The following PSD3 variants were observed in gnomAD, a reference collection of about 807,000 sequenced individuals.
The protein encoded by PSD3 is PH and SEC7 domain-containing protein 3.
PSD3 carries 49 observed loss-of-function variants against 105.5 expected under a neutral mutation model. The ratio of observed to expected loss-of-function variants is 0.46; its 90% CI spans 0.37 to 0.59. The LOEUF is 0.59. Ranked by LOEUF, PSD3 falls within the 20% of genes least tolerant of loss-of-function variation. The pLI, the probability that PSD3 is intolerant of heterozygous loss-of-function variation, is 0.00. For missense variants in PSD3, 1,561 were observed against 1,263.8 expected (o/e 1.24, Z -3.57); for synonymous variants, 557 against 457.8 (o/e 1.22, Z -2.77).
At chr8:19,026,250 G>A (rs1052436804) in intron 1 of PSD3, among the ~76,000 whole-genome samples, 1 of 152,140 alleles carries the variant, frequency 6.6e-6, no homozygotes, top group Non-Finnish European at 1.5e-5. Flanking sequence ...CCATAGGACC[G>A]TCATATTCTT....
intron 11 of PSD3, among the ~76,000 whole-genome samples, chr8:18,625,296 T>C (rs1806399090): frequency 6.6e-6 from 1 of 152,100 alleles, no homozygotes; most frequent in Non-Finnish European, 1.5e-5. Flanking sequence ...CAAATTTTTA[T>C]AAACACTGGA....
intron 3 of PSD3, among the ~76,000 whole-genome samples, chr8:18,869,131 G>A (rs769470823): frequency 4.7e-5 from 7 of 149,678 alleles, no homozygotes; most frequent in South Asian, 2.1e-4. Context: ...AAACTGGACC[G>A]TTCCTAAGAT....
At chr8:18,901,733 TCA>T (rs949096156) in intron 2 of PSD3, among the ~76,000 whole-genome samples, 87 of 152,342 alleles carry the variant, frequency 5.7e-4, no homozygotes, top group African/African-American at 2.1e-3. Context: ...ATGAATTCTC[TCA>T]GTTTTTGTTT....
chr8:18,759,044 T>C (rs898020607), intron 9 of PSD3, among the ~76,000 whole-genome samples: 1 of 149,196 alleles, frequency 6.7e-6, no homozygotes, highest in African/African-American at 2.5e-5. Context: ...AGGCCAAGCA[T>C]ACTGATTTAC....
At chr8:18,722,971 C>T (rs748725951) in intron 9 of PSD3, among the ~76,000 whole-genome samples, 2 of 152,180 alleles carry the variant, frequency 1.3e-5, no homozygotes, top group African/African-American at 4.8e-5. Context: ...TTTTGTTTCC[C>T]TATTTAAACC....
At position 19,013,645 on chromosome 8, in the gene PSD3, C is replaced by CA. The variant is rs1827062603; in HGVS notation, c.-63dup. 4.7e-6 allele frequency: 6 copies of CA among 1,271,864 alleles called. No individual in the cohort carries two copies. Among genetic ancestry groups the CA allele is most frequent in the East Asian group, 6.8e-5 (2 of 29,558 alleles). The allele number at this position is 1,271,864 out of a possible 1,614,324, so 78.8% of individuals were successfully genotyped here. On this transcript the variant is annotated 5_prime_UTR_variant, in exon 1 of 16. Transcript: ENST00000327040. ...GCCGGGCGCTCCGGGGCCGCAGCCTCAGGGCGCGAGTGCCGGCGGCCAGCG... is the reference window on the plus strand; with the variant it reads ...GCCGGGCGCTCCGGGGCCGCAGCCTCAAGGGCGCGAGTGCCGGCGGCCAGCG...
intron 12 of PSD3, among the ~76,000 whole-genome samples, chr8:18,585,830 C>T (rs995494143): frequency 7.2e-5 from 11 of 152,024 alleles, no homozygotes; most frequent in African/African-American, 2.2e-4. Context: ...AGTTGAGGTT[C>T]GCAGAGGATA....
At chr8:19,070,318 A>G (rs1829210154) in intron 1 of PSD3, among the ~76,000 whole-genome samples, 1 of 151,418 alleles carries the variant, frequency 6.6e-6, no homozygotes, top group Admixed American at 6.6e-5. Context: ...CAAAATATAC[A>G]TATTGATTTA....
At chr8:18,946,327 A>G (rs1822852954) in intron 1 of PSD3, among the ~76,000 whole-genome samples, 1 of 152,258 alleles carries the variant, frequency 6.6e-6, no homozygotes, top group Non-Finnish European at 1.5e-5. Flanking sequence ...TGTAATCTCA[A>G]TGGTTTGGGA....
chr8:18,613,237 G>C (rs907137900), intron 11 of PSD3, among the ~76,000 whole-genome samples: 1 of 152,050 alleles, frequency 6.6e-6, no homozygotes, highest in African/African-American at 2.4e-5. Flanking sequence ...CCAGACTGCC[G>C]GTCCGGATGA....
rs1485490603 is a variant in PSD3 at position 18,572,788 on chromosome 8, G to A, written c.2640-116C>T. 5 of 1,174,198 alleles carry A rather than the reference G, an allele frequency of 4.3e-6. No individual in the cohort carries two copies. In the African/African-American group the frequency reaches 7.6e-5, roughly 18 times the overall value. 72.7% of individuals were successfully genotyped at this position (1,174,198 alleles called of 1,614,324 possible). A position where few individuals can be genotyped will look rare whatever the true frequency, so the allele number is the denominator to read the frequency against. ...ATGTGAAAATCATTTACTCCTCCTG[G>A]TACAACTAATCCCTGACAAAACTTC... On this transcript the variant is annotated intron_variant, in intron 13 of 15. Coordinates refer to ENST00000327040, the MANE Select transcript of PSD3 (RefSeq NM_015310.4).
chr8:18,752,037 A>T (rs1480162324), intron 9 of PSD3, among the ~76,000 whole-genome samples: 1 of 150,510 alleles, frequency 6.6e-6, no homozygotes, highest in Non-Finnish European at 1.5e-5. Context: ...AAAAAAAAAA[A>T]ATTAGCTGGG....
chr8:19,000,086 T>C (rs768479915), intron 1 of PSD3: 1 of 149,594 alleles, frequency 6.7e-6, no homozygotes, highest in African/African-American at 2.5e-5. Context: ...GTAGGAAGAA[T>C]TGCACCCAAA....
At chr8:18,743,706 G>A (rs571116050) in intron 9 of PSD3, among the ~76,000 whole-genome samples, 15 of 151,590 alleles carry the variant, frequency 9.9e-5, no homozygotes, top group South Asian at 6.3e-4. Flanking sequence ...GGGAGGCCGA[G>A]GGGGAAGATT....
chr8:18,828,065 A>T (rs868156374), intron 4 of PSD3, among the ~76,000 whole-genome samples: 25 of 104,628 alleles, frequency 2.4e-4, no homozygotes, highest in African/African-American at 9.2e-4. Context: ...ATATATATAT[A>T]TATTTTTTTT....
chr8:18,983,866 T>C (rs1263819216), intron 1 of PSD3, among the ~76,000 whole-genome samples: 2 of 151,674 alleles, frequency 1.3e-5, no homozygotes, highest in South Asian at 4.2e-4. Flanking sequence ...CGGCTGGATA[T>C]GGTGGCATGT....
At position 19,074,611 on chromosome 8, in the gene PSD3, A is replaced by ATTT. The variant is rs1206111403; in HGVS notation, c.324+9592_324+9594dup. ...TATATACATATATATATATATATAT[A>ATTT]TTTTTTTTTTTTTTTTTTTTTTTTT... On this transcript the variant is annotated intron_variant, in intron 1 of 1. Coordinates refer to the PSD3 transcript ENST00000521475. 2.9e-3 allele frequency among the ~76,000 whole-genome samples: 69 copies of ATTT among 24,196 alleles called. 3 individuals carry two copies. The highest frequency in any genetic ancestry group is 0.013 in the Admixed American group (19 of 1,472). The allele number at this position is 24,196 out of a possible 152,430, so 15.9% of individuals were successfully genotyped here.
intron 2 of PSD3, among the ~76,000 whole-genome samples, chr8:18,882,681 T>C (rs1341729106): frequency 6.6e-6 from 1 of 152,144 alleles, no homozygotes; most frequent in African/African-American, 2.4e-5. Context: ...GGTAGCCATA[T>C]CCACAGAAGC....
At chr8:18,691,036 C>A (rs1585631309) in intron 9 of PSD3, among the ~76,000 whole-genome samples, 1 of 152,086 alleles carries the variant, frequency 6.6e-6, no homozygotes, top group Admixed American at 6.5e-5. Context: ...ATTTGTACAA[C>A]CTATGAGGAC....
Sources: allele counts gnomAD v4.1 joint callset (sites outside exome capture counted in the v4.1 genomes callset), GRCh38; gene constraint gnomAD v4.1.1; transcripts MANE v1.5; gene names NCBI Gene and HGNC (gene_info 2026-07-23, HGNC 2026-07-21).